Variants in APOLD1 observed in about 807,000 individuals in gnomAD.
APOLD1 encodes the protein apolipoprotein L domain-containing protein 1.
Under a neutral mutation model 15.3 loss-of-function variants are expected in APOLD1, and 22 were observed. The observed-to-expected ratio is 1.44, with a 90% CI of 1.03 to 2.05. The LOEUF (loss-of-function observed/expected upper bound fraction) is 2.05, where lower values mean the gene tolerates loss of function less well. Ranked by LOEUF, APOLD1 falls within the 30% of genes most tolerant of loss-of-function variation. APOLD1 has a pLI of 0.00. For missense variants in APOLD1, 394 were observed against 353.5 expected (o/e 1.11, Z -0.92); for synonymous variants, 190 against 167.4 (o/e 1.13, Z -1.04).
chr12:12,742,205 C>T (rs909016378), intron 1 of APOLD1, among the ~76,000 whole-genome samples: 9 of 152,108 alleles, frequency 5.9e-5, no homozygotes, highest in Admixed American at 3.3e-4. Context: ...AACAAAATTA[C>T]GAGGTTGCTT....
rs146348815 is a variant in APOLD1 at position 12,787,468 on chromosome 12, C to T, written c.563C>T (p.Thr188Ile). 132 of 1,614,012 alleles carry T rather than the reference C, an allele frequency of 8.2e-5. No individual in the cohort carries two copies. The highest frequency in any genetic ancestry group is 1.1e-4 in the Non-Finnish European group (128 of 1,180,040). Residue 188 changes from threonine (T) to isoleucine (I), a missense_variant, in exon 2 of 2, where the codon ACC becomes ATC. Transcript: ENST00000356591. The surrounding 1 kb of genome is among the most constrained non-coding windows in gnomAD (Gnocchi z 4.9). ...ATCCCCAGGCGGGCGGAGGGGGACA[C>T]CAAGGTTAGCCAGGCCGTGCTGAAG... ...FLIPRRAEGD[T>I]KVSQAVLKAK...
intron 1 of APOLD1, among the ~76,000 whole-genome samples, chr12:12,730,680 T>TA (rs1172166554): frequency 0.011 from 1,101 of 96,466 alleles, 22 homozygotes; most frequent in African/African-American, 0.036. Context: ...AGACTTCCTC[T>TA]AAAAAAAAAA....
At position 12,787,267 on chromosome 12, in the gene APOLD1, A is replaced by C. The variant is rs897705637; in HGVS notation, c.362A>C (p.Gln121Pro). 11 of 1,596,754 alleles carry C rather than the reference A, an allele frequency of 6.9e-6. No homozygotes were observed. The highest frequency in any genetic ancestry group is 9.4e-6 in the Non-Finnish European group (11 of 1,173,240). The part of the protein sequence containing the change: ...FCNSRELRRV[Q>P]EIAATCQDQM... ...AACTCCCGGGAGCTGCGGAGGGTGC[A>C]GGAGATCGCGGCCACCTGCCAGGAC... The change falls in exon 2 of 2, where the codon CAG becomes CCG. Residue 121 changes from glutamine to proline, a missense_variant. Coordinates refer to ENST00000356591, the MANE Select transcript of APOLD1 (RefSeq NM_030817.3). This position sits in a 1 kb window ranked among gnomAD's most constrained non-coding sequence, Gnocchi z 4.9.
chr12:12,746,267 G>A (rs1303407490), intron 1 of APOLD1, among the ~76,000 whole-genome samples: 1 of 152,226 alleles, frequency 6.6e-6, no homozygotes, highest in African/African-American at 2.4e-5. Flanking sequence ...AAGCCGAGGC[G>A]GGTGGGTCAC....
At chr12:12,743,255 G>T (rs1946741365) in intron 1 of APOLD1, among the ~76,000 whole-genome samples, 1 of 152,188 alleles carries the variant, frequency 6.6e-6, no homozygotes, top group Non-Finnish European at 1.5e-5. Flanking sequence ...TTGGAGCCCA[G>T]TATGGTGTCA....
At chr12:12,738,823 T>C (rs1946710021) in intron 1 of APOLD1, among the ~76,000 whole-genome samples, 1 of 152,226 alleles carries the variant, frequency 6.6e-6, no homozygotes, top group Non-Finnish European at 1.5e-5. Flanking sequence ...GGAGGCATCC[T>C]TTGTTCCTGA....
intron 1 of APOLD1, among the ~76,000 whole-genome samples, chr12:12,757,980 G>A (rs539835597): frequency 5.5e-4 from 74 of 135,522 alleles, no homozygotes; most frequent in African/African-American, 1.6e-3. Flanking sequence ...TTGCTCTGTC[G>A]CCAGGTGCGA....
intron 1 of APOLD1, among the ~76,000 whole-genome samples, chr12:12,754,940 G>C (rs971019129): frequency 7.9e-5 from 12 of 151,564 alleles, no homozygotes; most frequent in Non-Finnish European, 1.6e-4. Context: ...CTAGCTACTC[G>C]GGAGGCTGAG....
In APOLD1 at chr12:12,790,735, A is replaced by G. The variant is rs1401093736; in HGVS notation, c.*3083A>G. On this transcript the variant is annotated 3_prime_UTR_variant, in exon 2 of 2. Transcript: ENST00000356591. ...GCTATCTTAATGAGAATTTGTTGACAACAAAAGATCATCCATCGCCTTATG... is the reference window on the plus strand; with the variant it reads ...GCTATCTTAATGAGAATTTGTTGACGACAAAAGATCATCCATCGCCTTATG... The G allele has an allele frequency of 6.6e-6, 1 of 152,242 alleles. No individual in the cohort carries two copies. Among genetic ancestry groups the G allele is most frequent in the Non-Finnish European group, 1.5e-5 (1 of 68,042 alleles). 9.4% of individuals were successfully genotyped at this position (152,242 alleles called of 1,614,324 possible).
intron 1 of APOLD1, among the ~76,000 whole-genome samples, chr12:12,749,667 A>C (rs1946792748): frequency 6.6e-6 from 1 of 152,100 alleles, no homozygotes. Flanking sequence ...GCGGACCACC[A>C]CTTTATTTAC....
rs1947141187 is a variant in APOLD1 at position 12,787,453 on chromosome 12, G to A, written c.548G>A (p.Arg183Gln). The change falls in exon 2 of 2, where the codon CGG becomes CAG. Residue 183 changes from arginine to glutamine, a missense_variant. Physicochemically the swap from Arg to Gln is conservative, Grantham distance 43. Transcript: ENST00000356591. The surrounding 1 kb of genome is among the most constrained non-coding windows in gnomAD (Gnocchi z 4.9). The part of the protein sequence containing the change: ...FGSRGFLIPR[R>Q]AEGDTKVSQA... ...TCACGTGGCTTCCTCATCCCCAGGC[G>A]GGCGGAGGGGGACACCAAGGTTAGC... 1.2e-6 allele frequency: 2 copies of A among 1,614,042 alleles called. No homozygotes were observed. Among genetic ancestry groups the A allele is most frequent in the Non-Finnish European group, 1.7e-6 (2 of 1,180,036 alleles).
Position 12,786,967 on chromosome 12 carries a change from A to T in APOLD1, c.62A>T (p.Gln21Leu), listed in dbSNP as rs985713995. The change falls in exon 2 of 2, where the codon CAG (glutamine) becomes CTG (leucine). Residue 21 changes from glutamine to leucine, a missense_variant. Coordinates refer to ENST00000356591, the MANE Select transcript of APOLD1 (RefSeq NM_030817.3). ...PHGPDALRRFQGLLLDRRGRL... is the reference protein window; with the variant it reads ...PHGPDALRRFLGLLLDRRGRL... Reference sequence around the variant, plus strand: ...GGGCCCGACGCGCTGCGGCGCTTCCAGGGACTGCTGCTGGACCGCCGAGGC... The same window carrying T: ...GGGCCCGACGCGCTGCGGCGCTTCCTGGGACTGCTGCTGGACCGCCGAGGC... The T allele has an allele frequency of 4.6e-5, 67 of 1,458,702 alleles. No individual in the cohort carries two copies. Among genetic ancestry groups the T allele is most frequent in the Non-Finnish European group, 5.3e-5 (59 of 1,115,066 alleles). 90.4% of individuals were successfully genotyped at this position (1,458,702 alleles called of 1,614,324 possible).
intron 1 of APOLD1, chr12:12,726,226 C>A: frequency 1.3e-6 from 1 of 774,538 alleles, no homozygotes; most frequent in Admixed American, 2.5e-5. Context: ...CACTCAGAAC[C>A]CATCATAATT....
chr12:12,777,923 T>TTTTTTTTTTTTTTTTTTTTTTTTGTTG (rs1555092183), intron 1 of APOLD1, among the ~76,000 whole-genome samples: 1 of 121,574 alleles, frequency 8.2e-6, no homozygotes, highest in Non-Finnish European at 1.7e-5. Context: ...TTTTTTTTTT[T>TTTTTTTTTTTTTTTTTTTTTTTTGTTG]TTGTTGTTGT....
intron 1 of APOLD1, among the ~76,000 whole-genome samples, chr12:12,733,130 G>A (rs1486168175): frequency 6.0e-5 from 9 of 149,810 alleles, no homozygotes; most frequent in African/African-American, 9.9e-5. Flanking sequence ...CCTGGGCAAC[G>A]TGGTGAAACT....
intron 1 of APOLD1, among the ~76,000 whole-genome samples, chr12:12,763,830 T>C (rs1565433270): frequency 6.6e-6 from 1 of 152,232 alleles, no homozygotes; most frequent in Admixed American, 6.5e-5. Flanking sequence ...ATGGTTGTTA[T>C]ACTATCTTTT....
At chr12:12,770,329 C>CA (rs1313620864) in intron 1 of APOLD1, among the ~76,000 whole-genome samples, 1 of 152,110 alleles carries the variant, frequency 6.6e-6, no homozygotes, top group African/African-American at 2.4e-5. Flanking sequence ...CGCTTGAACC[C>CA]AGGAGGCAGA....
intron 1 of APOLD1, among the ~76,000 whole-genome samples, chr12:12,786,372 T>A (rs1947124478): frequency 6.6e-6 from 1 of 152,120 alleles, no homozygotes; most frequent in Admixed American, 6.5e-5. Flanking sequence ...GCATCTAACT[T>A]AGATGTTTCT....
intron 1 of APOLD1, among the ~76,000 whole-genome samples, chr12:12,744,581 A>G (rs2136375487): frequency 6.6e-6 from 1 of 152,222 alleles, no homozygotes; most frequent in Non-Finnish European, 1.5e-5. Flanking sequence ...TGCACTCCAT[A>G]TCAAAAAACA....
Sources: allele counts gnomAD v4.1 joint callset (sites outside exome capture counted in the v4.1 genomes callset), GRCh38; gene constraint gnomAD v4.1.1; non-coding constraint Gnocchi (gnomAD v3.1); transcripts MANE v1.5; gene names NCBI Gene and HGNC (gene_info 2026-07-23, HGNC 2026-07-21).